Variants in LPP observed in about 807,000 individuals in gnomAD.
LPP encodes LIM domain containing preferred translocation partner in lipoma.
In LPP, 38 loss-of-function variants were observed where a neutral mutation model predicts 60.4. The ratio of observed to expected loss-of-function variants is 0.63; its 90% CI spans 0.49 to 0.83. The LOEUF (loss-of-function observed/expected upper bound fraction) is 0.83, where lower values mean the gene tolerates loss of function less well. Ranked by LOEUF, LPP falls within the 40% of genes least tolerant of loss-of-function variation. LPP has a pLI of 0.00. For missense variants in LPP, 902 were observed against 783.6 expected (o/e 1.15, Z -1.80); for synonymous variants, 328 against 290.8 (o/e 1.13, Z -1.30).
chr3:188,865,699 T>G (rs745783868), intron 9 of LPP, among the ~76,000 whole-genome samples: 1 of 151,950 alleles, frequency 6.6e-6, no homozygotes, highest in South Asian at 2.1e-4. Flanking sequence ...TTTTTGTAAA[T>G]AAAGTATTAC....
At chr3:188,317,503 T>C (rs1477027122) in intron 2 of LPP, among the ~76,000 whole-genome samples, 1 of 152,212 alleles carries the variant, frequency 6.6e-6, no homozygotes, top group Middle Eastern at 3.2e-3. Flanking sequence ...GGCATTCAAA[T>C]CTTTTGTACC....
chr3:188,845,960 A>T (rs1761282462), intron 9 of LPP, among the ~76,000 whole-genome samples: 1 of 152,250 alleles, frequency 6.6e-6, no homozygotes, highest in Non-Finnish European at 1.5e-5. Flanking sequence ...TGTGATGTCC[A>T]GTCTCTCCTA....
At position 188,609,012 on chromosome 3, in the gene LPP, T is replaced by C. The variant is rs574047719; in HGVS notation, c.430-149T>C. 1.4e-5 allele frequency: 9 copies of C among 665,496 alleles called. No homozygotes were observed. The highest frequency in any genetic ancestry group is 5.5e-5 in the African/African-American group (3 of 54,964). 41.2% of individuals were successfully genotyped at this position (665,496 alleles called of 1,614,324 possible). A position where few individuals can be genotyped will look rare whatever the true frequency, so the allele number is the denominator to read the frequency against. ...ATTTTTGTGTTCATCTGTGAACACT[T>C]TGAAGGCAAGATTATGCCTTATTTG... On this transcript the variant is annotated intron_variant, in intron 6 of 11. Transcript: ENST00000617246. This position sits in a 1 kb window ranked among gnomAD's most constrained non-coding sequence, Gnocchi z 6.9.
At chr3:188,337,097 T>A (rs1761869259) in intron 2 of LPP, among the ~76,000 whole-genome samples, 1 of 152,088 alleles carries the variant, frequency 6.6e-6, no homozygotes, top group Admixed American at 6.6e-5. Context: ...GACTCTACCT[T>A]CACCTGGGCC....
chr3:188,429,789 G>A (rs1170875671), intron 4 of LPP, among the ~76,000 whole-genome samples: 1 of 152,068 alleles, frequency 6.6e-6, no homozygotes, highest in Non-Finnish European at 1.5e-5. Context: ...TCATTTGTAA[G>A]GACCAAGAAC....
intron 6 of LPP, among the ~76,000 whole-genome samples, chr3:188,538,276 C>T (rs1824179311): frequency 6.6e-6 from 1 of 152,100 alleles, no homozygotes; most frequent in Admixed American, 6.5e-5. Flanking sequence ...AACAAACAAT[C>T]CGTGGAATTT....
At chr3:188,501,529 C>T (rs895779237) in intron 5 of LPP, among the ~76,000 whole-genome samples, 32 of 151,778 alleles carry the variant, frequency 2.1e-4, no homozygotes, top group African/African-American at 6.1e-4. Flanking sequence ...GCGGGTGGAT[C>T]ACGAGGTCAG....
intron 9 of LPP, among the ~76,000 whole-genome samples, chr3:188,797,459 G>A (rs1373695929): frequency 6.6e-6 from 1 of 152,116 alleles, no homozygotes; most frequent in Non-Finnish European, 1.5e-5. Flanking sequence ...TAATCTTCTA[G>A]ACTTCTAGAT....
chr3:188,654,346 T>C (rs1212618276), intron 7 of LPP, among the ~76,000 whole-genome samples: 8 of 152,320 alleles, frequency 5.3e-5, no homozygotes, highest in East Asian at 1.9e-4. Context: ...GAGACATTCC[T>C]GACAGAGGAA....
intron 2 of LPP, among the ~76,000 whole-genome samples, chr3:188,294,128 A>G (rs1231600102): frequency 6.6e-5 from 10 of 151,814 alleles, no homozygotes; most frequent in African/African-American, 1.7e-4. Flanking sequence ...ATTTATGTGA[A>G]AAGCCCACAA....
intron 3 of LPP, among the ~76,000 whole-genome samples, chr3:188,394,374 A>T (rs1228897490): frequency 1.3e-5 from 2 of 152,188 alleles, no homozygotes. Flanking sequence ...CTGTCTTGTA[A>T]GGTAATGAGT....
chr3:188,668,345 C>T (rs115560309), intron 7 of LPP, among the ~76,000 whole-genome samples: 9 of 152,276 alleles, frequency 5.9e-5, no homozygotes, highest in East Asian at 1.9e-4. Flanking sequence ...AGTTTACACT[C>T]GCCATATGAT....
At chr3:188,804,243 T>TTATATATATATATATATATATAATA (rs1748273566) in intron 9 of LPP, among the ~76,000 whole-genome samples, 2 of 37,698 alleles carry the variant, frequency 5.3e-5, no homozygotes, top group African/African-American at 2.3e-4. Context: ...TAGTGCATCT[T>TTATATATATATATATATATATAATA]TATATATATA....
At chr3:188,331,256 C>T (rs1364480558) in intron 2 of LPP, among the ~76,000 whole-genome samples, 1 of 152,130 alleles carries the variant, frequency 6.6e-6, no homozygotes, top group Non-Finnish European at 1.5e-5. Flanking sequence ...TTTTATGTAT[C>T]TCCCACTATT....
chr3:188,375,629 G>A (rs931900750), intron 3 of LPP, among the ~76,000 whole-genome samples: 2 of 151,492 alleles, frequency 1.3e-5, no homozygotes, highest in Non-Finnish European at 2.9e-5. Flanking sequence ...GTGGTCTATC[G>A]GTTTTGTTTA....
chr3:188,887,377 G>A lies in LPP; in HGVS notation c.*12898G>A. Reference sequence around the variant, plus strand: ...ACTTAGTAATTATAAACTGGAAATAGGAGAGTAGCTTGAGCAGGTTATGAT... The same window carrying A: ...ACTTAGTAATTATAAACTGGAAATAAGAGAGTAGCTTGAGCAGGTTATGAT... On this transcript the variant is annotated 3_prime_UTR_variant, in exon 12 of 12. Coordinates refer to ENST00000617246, the MANE Select transcript of LPP (RefSeq NM_001375462.1). The A allele has an allele frequency of 4.6e-6, 1 of 216,100 alleles. No homozygotes were observed. The highest frequency in any genetic ancestry group is 9.3e-6 in the Non-Finnish European group (1 of 107,226). The allele number at this position is 216,100 out of a possible 1,614,324, so 13.4% of individuals were successfully genotyped here. A position where few individuals can be genotyped will look rare whatever the true frequency, so the allele number is the denominator to read the frequency against.
At chr3:188,341,394 A>G (rs1276886950) in intron 2 of LPP, among the ~76,000 whole-genome samples, 2 of 152,172 alleles carry the variant, frequency 1.3e-5, no homozygotes, top group African/African-American at 2.4e-5. Context: ...TTCATTTTAT[A>G]TGGTTTCTGT....
chr3:188,768,951 T>C (rs918586403), intron 9 of LPP, among the ~76,000 whole-genome samples: 1 of 152,210 alleles, frequency 6.6e-6, no homozygotes, highest in Non-Finnish European at 1.5e-5. Flanking sequence ...TATGTACATA[T>C]AGTCATTTAC....
chr3:188,742,887 C>T (rs1304594848), intron 8 of LPP, among the ~76,000 whole-genome samples: 2 of 152,128 alleles, frequency 1.3e-5, no homozygotes, highest in Non-Finnish European at 2.9e-5. Flanking sequence ...GTTTGAAATT[C>T]GGCCAAGGCA....
Sources: allele counts gnomAD v4.1 joint callset (sites outside exome capture counted in the v4.1 genomes callset), GRCh38; gene constraint gnomAD v4.1.1; non-coding constraint Gnocchi (gnomAD v3.1); transcripts MANE v1.5; gene names NCBI Gene and HGNC (gene_info 2026-07-23, HGNC 2026-07-21).